RIIAD1: variants seen among roughly 807,000 people sequenced by gnomAD.
RIIAD1 encodes regulatory subunit of type II PKA R-subunit domain containing 1.
Under a neutral mutation model 13.3 loss-of-function variants are expected in RIIAD1, and 15 were observed. The observed-to-expected ratio is 1.13, with a 90% CI of 0.76 to 1.74. The LOEUF (loss-of-function observed/expected upper bound fraction) is 1.74. Ranked by LOEUF, RIIAD1 falls within the 40% of genes most tolerant of loss-of-function variation. The pLI is 0.00. For synonymous variants in RIIAD1, 50 were observed against 43.3 expected, an observed-to-expected ratio of 1.16 and a Z score of -0.61; for missense variants, 121 against 112.2, an observed-to-expected ratio of 1.08 and a Z score of -0.35.
At chr1:151,722,498 T>C (rs1673755992) in intron 2 of RIIAD1, among the ~76,000 whole-genome samples, 1 of 152,214 alleles carries the variant, frequency 6.6e-6, no homozygotes, top group Non-Finnish European at 1.5e-5. Flanking sequence ...ACTCTTTTCT[T>C]GGGGAAGAGA....
At chr1:151,723,887 G>T (rs560389987) in intron 2 of RIIAD1, among the ~76,000 whole-genome samples, 1 of 152,298 alleles carries the variant, frequency 6.6e-6, no homozygotes, top group South Asian at 2.1e-4. Flanking sequence ...TCAGACCTGA[G>T]GATCAGGCCG....
chr1:151,729,421 T>TA (rs1355433255), intron 4 of RIIAD1, 67 bp from the exon 5 acceptor site: 65 of 149,800 alleles, frequency 4.3e-4, no homozygotes, highest in African/African-American at 1.1e-3. Flanking sequence ...AGCTGGGATT[T>TA]AAAAAAAAAA....
upstream of RIIAD1, among the ~76,000 whole-genome samples, chr1:151,718,728 G>T (rs1414117727): frequency 6.6e-6 from 1 of 152,212 alleles, no homozygotes; most frequent in Non-Finnish European, 1.5e-5. Flanking sequence ...AGGTGCTAGA[G>T]GACTCAGTGG....
intron 1 of RIIAD1, 67 bp downstream of exon 1, chr1:151,721,687 A>C: frequency 4.1e-6 from 4 of 975,670 alleles, no homozygotes; most frequent in Non-Finnish European, 5.5e-6. Flanking sequence ...GGGGCCCCAG[A>C]CTGGGAAGAG....
intron 2 of RIIAD1, among the ~76,000 whole-genome samples, chr1:151,712,151 G>T (rs1673079084): frequency 6.6e-6 from 1 of 152,114 alleles, no homozygotes; most frequent in Admixed American, 6.6e-5. Flanking sequence ...GTCCAGCTGT[G>T]CCCTGTTTAC....
chr1:151,723,338 G>A lies in RIIAD1; in HGVS notation c.161+1176G>A, dbSNP rs1479676224. Among the ~76,000 whole-genome samples, 4 of 151,956 alleles carry A rather than the reference G, an allele frequency of 2.6e-5. No homozygotes were observed. In the South Asian group the frequency reaches 8.3e-4, roughly 31 times the overall value. ...GAACCCAGGAGGCAAAGGTTGCAGT[G>A]AGCTGGGATTGCTCCATTGCACTCT... is the stretch of plus-strand genomic sequence containing the variant. On this transcript the variant is annotated intron_variant, in intron 2 of 4. Transcript: ENST00000479191.
At chr1:151,718,763 C>CT (rs1228662645), upstream of RIIAD1, among the ~76,000 whole-genome samples, 1 of 152,136 alleles carries the variant, frequency 6.6e-6, no homozygotes, top group Non-Finnish European at 1.5e-5. Flanking sequence ...AAGCGAATGA[C>CT]GGCAGAGCCA....
chr1:151,717,448 C>T (rs1462099356), upstream of RIIAD1, among the ~76,000 whole-genome samples: 3 of 152,258 alleles, frequency 2.0e-5, no homozygotes, highest in African/African-American at 7.2e-5. Context: ...CCTTCTCTCC[C>T]TCTGGGGGGT....
intron 4 of RIIAD1, chr1:151,716,121 G>A: frequency 8.0e-7 from 1 of 1,252,384 alleles, no homozygotes; most frequent in Non-Finnish European, 1.1e-6. Flanking sequence ...CGGGGGCCCA[G>A]CTGGGGCTGG....
chr1:151,728,718 T>G, intron 3 of RIIAD1, 48 bp from the exon 4 acceptor site: 2 of 1,160,742 alleles, frequency 1.7e-6, no homozygotes, highest in South Asian at 2.6e-5. Flanking sequence ...TGGGTAAATC[T>G]TTTCCCTTTG....
upstream of RIIAD1, chr1:151,719,530 G>A: frequency 6.1e-6 from 4 of 654,686 alleles, no homozygotes; most frequent in Non-Finnish European, 1.1e-5. Flanking sequence ...AGGGCAAAAT[G>A]TGGTGGTATG....
chr1:151,714,610 T>G, intron 4 of RIIAD1: 1 of 1,557,288 alleles, frequency 6.4e-7, no homozygotes, highest in Non-Finnish European at 8.7e-7. Context: ...AAGCGTCTTC[T>G]GTTCGTGCAG....
intron 4 of RIIAD1, chr1:151,716,338 A>C (rs1347861651): frequency 3.0e-6 from 1 of 338,948 alleles, no homozygotes; most frequent in Non-Finnish European, 5.5e-6. Context: ...CTGGAGGGTT[A>C]GGTGGTAGCC....
intron 2 of RIIAD1, among the ~76,000 whole-genome samples, chr1:151,725,081 T>C (rs1673803123): frequency 6.7e-6 from 1 of 148,398 alleles, no homozygotes; most frequent in Non-Finnish European, 1.5e-5. Flanking sequence ...GTGCTGGGAT[T>C]ACAGGCATGA....
chr1:151,720,654 AGTT>A (rs1454179117), upstream of RIIAD1, among the ~76,000 whole-genome samples: 1 of 152,218 alleles, frequency 6.6e-6, no homozygotes, highest in Non-Finnish European at 1.5e-5. Context: ...TCCTTAGGGC[AGTT>A]GTTCACAAAT....
chr1:151,717,546 G>A (rs1410772475), upstream of RIIAD1, among the ~76,000 whole-genome samples: 1 of 152,238 alleles, frequency 6.6e-6, no homozygotes, highest in Non-Finnish European at 1.5e-5. Context: ...CCAGGACACC[G>A]TTTAATTCAG....
chr1:151,721,437 T>TG, upstream of RIIAD1: 1 of 617,710 alleles, frequency 1.6e-6, no homozygotes. Flanking sequence ...CCTCAGCCCC[T>TG]AGCCCCTGCT....
At chr1:151,727,300 G>T (rs182003114) in intron 2 of RIIAD1, among the ~76,000 whole-genome samples, 3 of 152,132 alleles carry the variant, frequency 2.0e-5, no homozygotes, top group Non-Finnish European at 2.9e-5. Flanking sequence ...GATTGTTGAC[G>T]GAATGACAAG....
At chr1:151,721,880 A>C in intron 1 of RIIAD1, 1 of 600,524 alleles carries the variant, frequency 1.7e-6, no homozygotes, top group Non-Finnish European at 3.0e-6. Context: ...TGCCAGACAC[A>C]TCCGACCTTA....
Sources: gnomAD v4.1 joint callset for allele counts (sites outside exome capture counted in the v4.1 genomes callset) on GRCh38, gnomAD v4.1.1 for gene constraint, MANE v1.5 for transcripts, NCBI Gene and HGNC (gene_info 2026-07-23, HGNC 2026-07-21) for gene names.